The following GPC5 variants were observed in gnomAD, a reference collection of about 807,000 sequenced individuals.
The protein encoded by GPC5 is glypican 5.
Under a neutral mutation model 53.9 loss-of-function variants are expected in GPC5, and 47 were observed. The ratio of observed to expected loss-of-function variants is 0.87; its 90% confidence interval spans 0.69 to 1.11. The LOEUF is 1.11. Among genes scored for constraint, GPC5 ranks in the 50% most tolerant of loss-of-function variants. GPC5 has a pLI of 0.00. For synonymous variants in GPC5, 286 were observed against 263.3 expected, an observed-to-expected ratio of 1.09 and a Z score of -0.84; for missense variants, 748 against 713.1, an observed-to-expected ratio of 1.05 and a Z score of -0.56.
At chr13:91,946,745 A>G (rs2039977837) in intron 6 of GPC5, among the ~76,000 whole-genome samples, 1 of 152,144 alleles carries the variant, frequency 6.6e-6, no homozygotes, top group African/African-American at 2.4e-5. Context: ...TCGGGGTCCA[A>G]ATCCTGGGGT....
intron 4 of GPC5, among the ~76,000 whole-genome samples, chr13:91,729,426 T>C (rs2036647154): frequency 6.6e-6 from 1 of 152,186 alleles, no homozygotes; most frequent in African/African-American, 2.4e-5. Context: ...TCAGTACTTT[T>C]TGAATTGGAC....
intron 3 of GPC5, among the ~76,000 whole-genome samples, chr13:91,710,499 G>C (rs1049729654): frequency 1.3e-5 from 2 of 152,222 alleles, no homozygotes; most frequent in Admixed American, 1.3e-4. Context: ...ATAAGGGCAA[G>C]AGAAAAATAA....
At chr13:91,626,750 A>G (rs1258917161) in intron 2 of GPC5, among the ~76,000 whole-genome samples, 1 of 152,014 alleles carries the variant, frequency 6.6e-6, no homozygotes, top group African/African-American at 2.4e-5. Flanking sequence ...AACATGTGAC[A>G]CGTTGGTGTG....
At chr13:92,599,382 T>C (rs1266565037) in intron 7 of GPC5, among the ~76,000 whole-genome samples, 1 of 152,104 alleles carries the variant, frequency 6.6e-6, no homozygotes, top group African/African-American at 2.4e-5. Context: ...GGCTTGAAGA[T>C]GGAAGAGCGG....
intron 5 of GPC5, 22 bp downstream of exon 5, chr13:91,756,442 A>G: frequency 6.5e-7 from 1 of 1,550,362 alleles, no homozygotes; most frequent in Non-Finnish European, 8.8e-7. Context: ...GGTCTGTGAA[A>G]ACCTACTAGT....
At chr13:92,330,034 A>G (rs1436869871) in intron 7 of GPC5, among the ~76,000 whole-genome samples, 2 of 152,208 alleles carry the variant, frequency 1.3e-5, no homozygotes, top group East Asian at 3.9e-4. Context: ...TCATGCCCCA[A>G]GCCAACTTTT....
At chr13:92,547,306 C>G (rs897599838) in intron 7 of GPC5, among the ~76,000 whole-genome samples, 6 of 151,946 alleles carry the variant, frequency 3.9e-5, no homozygotes, top group South Asian at 2.1e-4. Context: ...TATATTTTTT[C>G]GAAGTACTTT....
At position 91,592,427 on chromosome 13, in the gene GPC5, T is replaced by C. The variant is rs149076873; in HGVS notation, c.326-100760T>C. 5.9e-5 allele frequency among the ~76,000 whole-genome samples: 9 copies of C among 152,242 alleles called. No homozygotes were observed. In the East Asian group the frequency reaches 1.7e-3, roughly 29 times the overall value. On this transcript the variant is annotated intron_variant, in intron 2 of 7. Transcript: ENST00000377067. ...CACTGGCACTGTGCCTGCATTTCTT[T>C]TGTGAGGTGTTCTGGGCTGGGGTGC...
chr13:91,828,353 AGGTAGG>A (rs2038606610), intron 5 of GPC5, among the ~76,000 whole-genome samples: 1 of 67,786 alleles, frequency 1.5e-5, no homozygotes, highest in Non-Finnish European at 3.9e-5. Flanking sequence ...GTAGATAGGT[AGGTAGG>A]TAGGTAGGTA....
intron 2 of GPC5, among the ~76,000 whole-genome samples, chr13:91,650,330 T>G (rs1310847068): frequency 6.6e-6 from 1 of 152,172 alleles, no homozygotes; most frequent in Non-Finnish European, 1.5e-5. Flanking sequence ...ATCTTTATAG[T>G]TTTGTCATTT....
At chr13:92,135,338 G>A (rs1242142772) in intron 6 of GPC5, among the ~76,000 whole-genome samples, 4 of 152,062 alleles carry the variant, frequency 2.6e-5, no homozygotes, top group Non-Finnish European at 4.4e-5. Flanking sequence ...TTGGTCCCAC[G>A]ATTTTTCTGA....
chr13:91,720,943 A>T lies in GPC5; in HGVS notation c.1021-7589A>T, dbSNP rs371562031. Among the ~76,000 whole-genome samples, 13 of 152,052 alleles carry T rather than the reference A, an allele frequency of 8.5e-5. No individual in the cohort carries two copies. In the East Asian group the frequency reaches 2.5e-3, roughly 29 times the overall value. ...CCAGATAGATAGATCTTCCAACTGG[A>T]TCTCAGTCCTCATAGACCACCCTTA... On this transcript the variant is annotated intron_variant, in intron 3 of 7. Coordinates refer to ENST00000377067, the MANE Select transcript of GPC5 (RefSeq NM_004466.6).
intron 7 of GPC5, among the ~76,000 whole-genome samples, chr13:92,633,075 A>G (rs1181559677): frequency 6.6e-6 from 1 of 151,828 alleles, no homozygotes; most frequent in African/African-American, 2.4e-5. Flanking sequence ...ATTTTTAGTA[A>G]AGACGGGGTT....
rs539608312 is a variant in GPC5 at position 92,524,278 on chromosome 13, C to T, written c.1562-342004C>T. Among the ~76,000 whole-genome samples the T allele has an allele frequency of 2.0e-5, 3 of 152,194 alleles. No individual in the cohort carries two copies. The East Asian group carries it at 5.8e-4, about 29-fold the overall frequency. On this transcript the variant is annotated intron_variant, in intron 7 of 7. Coordinates refer to ENST00000377067, the MANE Select transcript of GPC5 (RefSeq NM_004466.6). ...TTGTCATTTCAGCAATGTTCACAGC[C>T]TCTTCACCAGGAATGATTTTATCTC...
intron 2 of GPC5, among the ~76,000 whole-genome samples, chr13:91,692,501 A>G (rs1467141434): frequency 1.3e-5 from 2 of 152,206 alleles, no homozygotes; most frequent in Non-Finnish European, 2.9e-5. Flanking sequence ...TGAATTAAGT[A>G]CTTAATGTGA....
intron 2 of GPC5, among the ~76,000 whole-genome samples, chr13:91,557,000 C>T (rs1388557196): frequency 6.6e-6 from 1 of 151,996 alleles, no homozygotes; most frequent in South Asian, 2.1e-4. Flanking sequence ...AAAAAGAAAG[C>T]TGCTATGATC....
chr13:92,506,777 T>A (rs1211523126), intron 7 of GPC5, among the ~76,000 whole-genome samples: 1 of 152,212 alleles, frequency 6.6e-6, no homozygotes, highest in Non-Finnish European at 1.5e-5. Context: ...TACTTTTAGG[T>A]TCAAGAGTAT....
chr13:91,911,289 A>T (rs1206276543), intron 6 of GPC5, among the ~76,000 whole-genome samples: 1 of 152,146 alleles, frequency 6.6e-6, no homozygotes, highest in Admixed American at 6.6e-5. Context: ...CATGCCTGTA[A>T]TCTCAGCACT....
intron 7 of GPC5, among the ~76,000 whole-genome samples, chr13:92,604,898 T>C (rs565919647): frequency 1.3e-5 from 2 of 152,358 alleles, no homozygotes; most frequent in African/African-American, 4.8e-5. Flanking sequence ...CTTGAAAGTA[T>C]AGCAAGGAGT....
Sources: allele counts gnomAD v4.1 joint callset (sites outside exome capture counted in the v4.1 genomes callset), GRCh38; gene constraint gnomAD v4.1.1; transcripts MANE v1.5; gene names NCBI Gene and HGNC (gene_info 2026-07-23, HGNC 2026-07-21).